SHKBP1: variants seen among roughly 807,000 people sequenced by gnomAD.
SHKBP1 encodes SH3KBP1-binding protein 1.
In SHKBP1, 71 loss-of-function variants were observed where a neutral mutation model predicts 83.9. The observed-to-expected ratio is 0.85, with a 90% CI of 0.70 to 1.03. The LOEUF is 1.03. SHKBP1 is among the 50% of genes least tolerant of loss of function. SHKBP1 has a pLI of 0.00. For missense variants in SHKBP1, 824 were observed against 982.4 expected, an observed-to-expected ratio of 0.84 and a Z score of 2.16; for synonymous variants, 371 against 398.0, an observed-to-expected ratio of 0.93 and a Z score of 0.81.
intron 14 of SHKBP1, 131 bp downstream of exon 14, chr19:40,588,910 C>T: frequency 3.0e-6 from 4 of 1,348,142 alleles, no homozygotes; most frequent in South Asian, 1.3e-5. Flanking sequence ...ATCCTTGAGG[C>T]ACCTGAGCTC....
chr19:40,578,439 G>A, intron 5 of SHKBP1, 23 bp from the exon 6 acceptor site: 2 of 1,613,898 alleles, frequency 1.2e-6, no homozygotes, highest in Non-Finnish European at 8.5e-7. Flanking sequence ...CTAAGTCCCA[G>A]CCTTTAAGTC....
At chr19:40,579,257 C>T (rs577299252) in intron 6 of SHKBP1, among the ~76,000 whole-genome samples, 1 of 152,084 alleles carries the variant, frequency 6.6e-6, no homozygotes, top group Non-Finnish European at 1.5e-5. Context: ...GCTGAGACTA[C>T]AAGCACTCGC....
chr19:40,580,498 C>G lies in SHKBP1; in HGVS notation c.562+13C>G, dbSNP rs2081259697. On this transcript the variant is annotated intron_variant, in intron 7 of 17. Coordinates refer to ENST00000291842, the MANE Select transcript of SHKBP1 (RefSeq NM_138392.4). ...CCCTCACCCTCAGGTACGTTTCTAT[C>G]TCGTGGAAGGTTGGGGCAGCTGTGG... 6.2e-7 allele frequency: 1 copy of G among 1,613,414 alleles called. No homozygotes were observed. Among genetic ancestry groups the G allele is most frequent in the African/African-American group, 1.3e-5 (1 of 74,910 alleles).
chr19:40,590,325 C>T lies in SHKBP1; in HGVS notation c.1671C>T (p.Gly557=). 1.9e-6 allele frequency: 3 copies of T among 1,610,384 alleles called. No individual in the cohort carries two copies. The highest frequency in any genetic ancestry group is 2.7e-5 in the African/African-American group (2 of 74,902). The change falls in exon 16 of 18, where the codon GGC becomes GGT. Residue 557 remains glycine (G), a synonymous_variant. Transcript: ENST00000291842. The surrounding 1 kb of genome is among the most constrained non-coding windows in gnomAD (Gnocchi z 4.6). The stretch of plus-strand genomic sequence containing the variant: ...AGTGCGAGGGCTCCCGGCGGCTCGG[C>T]TCTCGGCCCCGGCGCTACCTGCTCA... ...VLECEGSRRL[G]SRPRRYLLTG...
chr19:40,577,487 A>G, intron 3 of SHKBP1, 46 bp downstream of exon 3: 2 of 1,613,908 alleles, frequency 1.2e-6, no homozygotes, highest in Non-Finnish European at 1.7e-6. Context: ...AGGGGTTGGT[A>G]GGAAGAGGGG....
chr19:40,580,561 T>G lies in SHKBP1; in HGVS notation c.563-5T>G. On this transcript the variant is annotated splice_polypyrimidine_tract_variant and splice_region_variant and intron_variant, in intron 7 of 17. Coordinates refer to ENST00000291842, the MANE Select transcript of SHKBP1 (RefSeq NM_138392.4). The stretch of plus-strand genomic sequence containing the variant: ...CCTCTTCTGATCCCTACTCTTCCCC[T>G]CAAGGACAACCTGAGGAGCCGGGGA... 1 of 1,614,182 alleles carries G rather than the reference T, an allele frequency of 6.2e-7. No homozygotes were observed. The highest frequency in any genetic ancestry group is 8.5e-7 in the Non-Finnish European group (1 of 1,180,024).
rs753952010 is a variant in SHKBP1 at position 40,580,882 on chromosome 19, G to A, written c.790G>A (p.Gly264Ser). 6.8e-6 allele frequency: 11 copies of A among 1,611,040 alleles called. No individual in the cohort carries two copies. Among genetic ancestry groups the A allele is most frequent in the African/African-American group, 5.3e-5 (4 of 74,860 alleles). Residue 264 changes from glycine to serine, a missense_variant, in exon 9 of 18, where the codon GGC becomes AGC. Physicochemically the swap from Gly to Ser is moderately conservative, Grantham distance 56. Coordinates refer to ENST00000291842, the MANE Select transcript of SHKBP1 (RefSeq NM_138392.4). ...EHDKMVAAATGSEILLWALQA... is the reference protein window; with the variant it reads ...EHDKMVAAATSSEILLWALQA... Reference sequence around the variant, plus strand: ...TGACAAGATGGTGGCAGCAGCCACCGGCAGCGAGATCCTGCTATGGGCTCT... The same window carrying A: ...TGACAAGATGGTGGCAGCAGCCACCAGCAGCGAGATCCTGCTATGGGCTCT...
chr19:40,578,968 G>A (rs1374228066), intron 6 of SHKBP1, among the ~76,000 whole-genome samples: 1 of 152,080 alleles, frequency 6.6e-6, no homozygotes, highest in Non-Finnish European at 1.5e-5. Flanking sequence ...AACAGAGTAG[G>A]GAAATTTCAT....
intron 15 of SHKBP1, among the ~76,000 whole-genome samples, chr19:40,589,967 G>A (rs1330623333): frequency 6.6e-6 from 1 of 151,980 alleles, no homozygotes. Context: ...GAGGCCAGGA[G>A]GCTGATAGGA....
At chr19:40,582,822 G>A (rs911156035) in intron 10 of SHKBP1, among the ~76,000 whole-genome samples, 6 of 151,468 alleles carry the variant, frequency 4.0e-5, no homozygotes, top group African/African-American at 7.3e-5. Context: ...AGGCTGAGGT[G>A]GGAGGATGGC....
rs749143271 is a variant in SHKBP1 at position 40,577,211 on chromosome 19, C to G, written c.87-20C>G. ...CCCGCTCCTCTTCATCTCTTGCGTCCGTTTACCTTCCCCGCCCAGATTCAG... is the reference window on the plus strand; with the variant it reads ...CCCGCTCCTCTTCATCTCTTGCGTCGGTTTACCTTCCCCGCCCAGATTCAG... On this transcript the variant is annotated intron_variant, in intron 1 of 17. Transcript: ENST00000291842. 6.2e-7 allele frequency: 1 copy of G among 1,612,804 alleles called. No individual in the cohort carries two copies. The highest frequency in any genetic ancestry group is 1.7e-5 in the Admixed American group (1 of 59,998).
At position 40,590,294 on chromosome 19, in the gene SHKBP1, T is replaced by G. The variant is rs370006868; in HGVS notation, c.1640T>G (p.Val547Gly). Residue 547 changes from valine to glycine, a missense_variant, in exon 16 of 18, where the codon GTG (valine) becomes GGG (glycine). Physicochemically the swap from Val to Gly is moderately radical, Grantham distance 109. This residue lies in a region of SHKBP1 where 287 missense variants were observed against 322.9 expected (regional missense o/e 0.89). Coordinates refer to ENST00000291842, the MANE Select transcript of SHKBP1 (RefSeq NM_138392.4). The surrounding 1 kb of genome is among the most constrained non-coding windows in gnomAD (Gnocchi z 4.6). ...VDGSPTTAFT[V>G]LECEGSRRLG... ...GGCTCACCCACGACAGCCTTCACAGTGCTGGAGTGCGAGGGCTCCCGGCGG... is the reference window on the plus strand; with the variant it reads ...GGCTCACCCACGACAGCCTTCACAGGGCTGGAGTGCGAGGGCTCCCGGCGG... 6.2e-7 allele frequency: 1 copy of G among 1,608,540 alleles called. No individual in the cohort carries two copies. Among genetic ancestry groups the G allele is most frequent in the Non-Finnish European group, 8.5e-7 (1 of 1,178,060 alleles).
intron 5 of SHKBP1, 55 bp downstream of exon 5, chr19:40,578,267 T>G (rs2081238046): frequency 6.4e-7 from 1 of 1,562,714 alleles, no homozygotes; most frequent in Admixed American, 1.7e-5. Context: ...AACTCTGTGA[T>G]GCTACCTGCC....
intron 6 of SHKBP1, among the ~76,000 whole-genome samples, chr19:40,578,825 G>A (rs2081244471): frequency 6.6e-6 from 1 of 152,076 alleles, no homozygotes; most frequent in Admixed American, 6.6e-5. Context: ...TGGAAGACCT[G>A]GGATTCTTCG....
At chr19:40,585,915 C>G (rs406133) in intron 12 of SHKBP1, 80,987 of 151,758 alleles carry the variant, frequency 0.53, 22,237 homozygotes, top group African/African-American at 0.67. Flanking sequence ...TGTCATTTTT[C>G]TTTGTTTTTT....
Position 40,583,650 on chromosome 19 carries a change from C to A in SHKBP1, c.1098C>A (p.Ser366Arg). 1 of 1,613,918 alleles carries A rather than the reference C, an allele frequency of 6.2e-7. No individual in the cohort carries two copies. Among genetic ancestry groups the A allele is most frequent in the Non-Finnish European group, 8.5e-7 (1 of 1,179,946 alleles). Residue 366 changes from serine to arginine, a missense_variant, in exon 12 of 18, where the codon AGC becomes AGA. Coordinates refer to ENST00000291842, the MANE Select transcript of SHKBP1 (RefSeq NM_138392.4). ...TGAAAGACAACGACCTCCTTGTCAG[C>A]GAGCTCTATCGGGACCCAGCGGAGG... ...LRMKDNDLLV[S>R]ELYRDPAEDG...
In SHKBP1 at chr19:40,580,420, C is replaced by G. The variant is rs1399840003; in HGVS notation, c.497C>G (p.Pro166Arg). ...GTCCGACGGAGCAACACGATGCCCC[C>G]CAACCTTGGCAATGCAGGGCTGCTG... ...APVRRSNTMPPNLGNAGLLGR... is the reference protein window; with the variant it reads ...APVRRSNTMPRNLGNAGLLGR... The change falls in exon 7 of 18, where the codon CCC becomes CGC. Residue 166 changes from proline to arginine, a missense_variant. Transcript: ENST00000291842. 1.2e-6 allele frequency: 2 copies of G among 1,614,192 alleles called. No individual in the cohort carries two copies. The highest frequency in any genetic ancestry group is 1.7e-6 in the Non-Finnish European group (2 of 1,180,030).
chr19:40,588,966 C>CG (rs1555725087), intron 14 of SHKBP1, 116 bp from the exon 15 acceptor site: 1 of 1,317,278 alleles, frequency 7.6e-7, no homozygotes, highest in Admixed American at 1.9e-5. Context: ...CTGCCCAACT[C>CG]TAACAACCTG....
rs1476393525 is a variant in SHKBP1, at chr19:40,576,899, C to T, written c.-1C>T. On this transcript the variant is annotated 5_prime_UTR_variant, in exon 1 of 18. Coordinates refer to ENST00000291842, the MANE Select transcript of SHKBP1 (RefSeq NM_138392.4). ...CGGGCCAGCCGGCTCGCCCGGGGGC[C>T]ATGGCAGCAGCGGCTACTGCAGCCG... The T allele has an allele frequency of 1.4e-6, 2 of 1,461,050 alleles. No homozygotes were observed. Among genetic ancestry groups the T allele is most frequent in the Non-Finnish European group, 1.8e-6 (2 of 1,108,770 alleles). The allele number at this position is 1,461,050 out of a possible 1,614,324, so 90.5% of individuals were successfully genotyped here.
Sources: allele counts gnomAD v4.1 joint callset (sites outside exome capture counted in the v4.1 genomes callset), GRCh38; gene constraint gnomAD v4.1.1; regional missense constraint gnomAD v4.1.1; non-coding constraint Gnocchi (gnomAD v3.1); transcripts MANE v1.5; gene names NCBI Gene and HGNC (gene_info 2026-07-23, HGNC 2026-07-21).